Variants in EXOC6B observed in about 807,000 individuals in gnomAD.
EXOC6B encodes the protein SEC15 homolog B.
Under a neutral mutation model 113.5 loss-of-function variants are expected in EXOC6B, and 54 were observed. The ratio of observed to expected loss-of-function variants is 0.48; its 90% CI spans 0.38 to 0.60. The LOEUF (loss-of-function observed/expected upper bound fraction) is 0.60, where lower values mean the gene tolerates loss of function less well. Ranked by LOEUF, EXOC6B falls within the 20% of genes least tolerant of loss-of-function variation. The pLI, the probability that EXOC6B is intolerant of heterozygous loss-of-function variation, is 0.00. For synonymous variants in EXOC6B, 357 were observed against 339.0 expected (o/e 1.05, Z -0.58); for missense variants, 797 against 977.5 (o/e 0.82, Z 2.46).
In EXOC6B at chr2:72,401,646, CATATATATATATATATATATGTATATAT is replaced by C. The variant is rs1558631438; in HGVS notation, c.1981-21804_1981-21777del. Among the ~76,000 whole-genome samples the C allele has an allele frequency of 9.7e-5, 2 of 20,686 alleles. 1 individual carries two copies. The highest frequency in any genetic ancestry group is 1.7e-3 in the East Asian group (2 of 1,210). The allele number at this position is 20,686 out of a possible 152,430, so 13.6% of individuals were successfully genotyped here. A position where few individuals can be genotyped will look rare whatever the true frequency, so the allele number is the denominator to read the frequency against. ...ACATATATATATATATACATATATA[CATATATATATATATATATATGTATATAT>C]ATATATATATATGAAAAAGAATGAA... On this transcript the variant is annotated intron_variant, in intron 18 of 21. Transcript: ENST00000272427.
At chr2:72,497,352 A>T (rs1167386458) in intron 13 of EXOC6B, among the ~76,000 whole-genome samples, 1 of 152,072 alleles carries the variant, frequency 6.6e-6, no homozygotes, top group African/African-American at 2.4e-5. Context: ...ATAAATTCAA[A>T]CTATTTTCAT....
chr2:72,408,438 A>G (rs1011989634), intron 18 of EXOC6B, among the ~76,000 whole-genome samples: 2 of 152,222 alleles, frequency 1.3e-5, no homozygotes, highest in Non-Finnish European at 2.9e-5. Flanking sequence ...ACAAAGCTGG[A>G]GGCATCACGC....
chr2:72,263,272 A>T (rs1222350674), intron 20 of EXOC6B: 1 of 152,202 alleles, frequency 6.6e-6, no homozygotes, highest in African/African-American at 2.4e-5. Context: ...TTTGACTATG[A>T]CGTACCTGAA....
In EXOC6B at chr2:72,684,945, C is replaced by T. The variant is rs546922104; in HGVS notation, c.669+33158G>A. 5.9e-5 allele frequency among the ~76,000 whole-genome samples: 9 copies of T among 152,086 alleles called. No individual in the cohort carries two copies. In the South Asian group the frequency reaches 1.7e-3, roughly 28 times the overall value. ...AGGTTAAGCATTTGTCAAAAACTCG[C>T]TTCAGATTTGCGTAGATTTGAGGTA... On this transcript the variant is annotated intron_variant, in intron 6 of 21. Coordinates refer to ENST00000272427, the MANE Select transcript of EXOC6B (RefSeq NM_015189.3).
chr2:72,811,801 A>G (rs1685939126), intron 1 of EXOC6B, among the ~76,000 whole-genome samples: 1 of 152,212 alleles, frequency 6.6e-6, no homozygotes, highest in African/African-American at 2.4e-5. Flanking sequence ...ATTTTAAATC[A>G]CATGATCATA....
chr2:72,809,569 G>T (rs1209522028), intron 1 of EXOC6B, among the ~76,000 whole-genome samples: 1 of 148,484 alleles, frequency 6.7e-6, no homozygotes, highest in Admixed American at 6.7e-5. Flanking sequence ...AATAAAATAA[G>T]GACAGACATC....
At chr2:72,374,203 A>C (rs933346716) in intron 19 of EXOC6B, among the ~76,000 whole-genome samples, 1 of 152,358 alleles carries the variant, frequency 6.6e-6, no homozygotes, top group Non-Finnish European at 1.5e-5. Context: ...AAAGAAAATC[A>C]GTACATCAAA....
At chr2:72,511,850 C>T (rs987018199) in intron 11 of EXOC6B, among the ~76,000 whole-genome samples, 1 of 152,088 alleles carries the variant, frequency 6.6e-6, no homozygotes, top group Non-Finnish European at 1.5e-5. Flanking sequence ...CTGTCTGGAA[C>T]ACCTGCTGAT....
At chr2:72,614,188 T>C (rs191892193) in intron 6 of EXOC6B, among the ~76,000 whole-genome samples, 10 of 152,278 alleles carry the variant, frequency 6.6e-5, no homozygotes, top group African/African-American at 2.2e-4. Flanking sequence ...CTCTGGCTTA[T>C]GCAAGGCAAG....
chr2:72,686,424 G>A (rs998623199), intron 6 of EXOC6B, among the ~76,000 whole-genome samples: 1 of 152,144 alleles, frequency 6.6e-6, no homozygotes, highest in Admixed American at 6.5e-5. Flanking sequence ...CTCTCTTAGA[G>A]AAGAAGTACT....
intron 21 of EXOC6B, chr2:72,182,756 C>T: frequency 1.9e-6 from 1 of 528,012 alleles, no homozygotes; most frequent in Non-Finnish European, 2.9e-6. Context: ...TGGCACCAGG[C>T]TGGTTTAGTA....
intron 19 of EXOC6B, among the ~76,000 whole-genome samples, chr2:72,373,046 G>A (rs1247159870): frequency 6.6e-6 from 1 of 150,442 alleles, no homozygotes; most frequent in Admixed American, 6.6e-5. Flanking sequence ...AACTCTTCAG[G>A]ATATCAGTCT....
At chr2:72,599,184 A>C (rs917429759) in intron 6 of EXOC6B, among the ~76,000 whole-genome samples, 1 of 152,128 alleles carries the variant, frequency 6.6e-6, no homozygotes, top group African/African-American at 2.4e-5. Flanking sequence ...AAATCCAACA[A>C]TGTATAAAAA....
chr2:72,731,250 G>T lies in EXOC6B; in HGVS notation c.328-5C>A. On this transcript the variant is annotated splice_polypyrimidine_tract_variant and splice_region_variant and intron_variant, in intron 3 of 21. Coordinates refer to ENST00000272427, the MANE Select transcript of EXOC6B (RefSeq NM_015189.3). ...CTCTTCCATTGCTATTACCAGCTTG[G>T]CAAGAGGGAAAAAGACTGAATTATG... is the stretch of plus-strand genomic sequence containing the variant. The T allele has an allele frequency of 6.2e-7, 1 of 1,610,104 alleles. No homozygotes were observed. The highest frequency in any genetic ancestry group is 8.5e-7 in the Non-Finnish European group (1 of 1,177,370).
intron 19 of EXOC6B, among the ~76,000 whole-genome samples, chr2:72,358,174 AT>A (rs1690084207): frequency 6.6e-6 from 1 of 152,182 alleles, no homozygotes; most frequent in South Asian, 2.1e-4. Flanking sequence ...TACAATATGT[AT>A]TTATGTTCTG....
At chr2:72,575,310 G>T (rs1704764305) in intron 7 of EXOC6B, among the ~76,000 whole-genome samples, 182 bp downstream of exon 7, 1 of 152,046 alleles carries the variant, frequency 6.6e-6, no homozygotes, top group Non-Finnish European at 1.5e-5. Flanking sequence ...AAAGAATCAG[G>T]ATCTAAATTA....
intron 6 of EXOC6B, among the ~76,000 whole-genome samples, chr2:72,677,981 T>C (rs192762950): frequency 2.0e-5 from 3 of 152,338 alleles, no homozygotes; most frequent in Admixed American, 2.0e-4. Context: ...AGAGGATTGC[T>C]AGATTGCAGT....
chr2:72,567,109 T>C (rs147851679), intron 7 of EXOC6B, among the ~76,000 whole-genome samples: 1 of 152,048 alleles, frequency 6.6e-6, no homozygotes, highest in East Asian at 1.9e-4. Context: ...GTTCATATTT[T>C]AAATAGTCAA....
At chr2:72,658,126 C>T (rs1441062030) in intron 6 of EXOC6B, among the ~76,000 whole-genome samples, 1 of 150,830 alleles carries the variant, frequency 6.6e-6, no homozygotes, top group African/African-American at 2.4e-5. Flanking sequence ...CTGAAGGTAA[C>T]AGAGAAACAT....
Sources: gnomAD v4.1 joint callset for allele counts (sites outside exome capture counted in the v4.1 genomes callset) on GRCh38, gnomAD v4.1.1 for gene constraint, MANE v1.5 for transcripts, NCBI Gene and HGNC (gene_info 2026-07-23, HGNC 2026-07-21) for gene names.